ANO6: variants seen among roughly 807,000 people sequenced by gnomAD.
The protein encoded by ANO6 is anoctamin 6, also known as anoctamin-6.
A neutral mutation model predicts 117.5 loss-of-function variants in ANO6; 106 were observed. The ratio of observed to expected loss-of-function variants is 0.90; its 90% CI spans 0.77 to 1.06. ANO6 has a LOEUF of 1.06. Among genes scored for constraint, ANO6 ranks in the 50% least tolerant of loss-of-function variants. ANO6 has a pLI of 0.00. For missense variants in ANO6, 955 were observed against 1,121.1 expected (o/e 0.85, Z 2.12); for synonymous variants, 367 against 385.1 (o/e 0.95, Z 0.55).
At chr12:45,360,768 G>A (rs957442566) in intron 8 of ANO6, among the ~76,000 whole-genome samples, 1 of 152,034 alleles carries the variant, frequency 6.6e-6, no homozygotes, top group Admixed American at 6.6e-5. Flanking sequence ...GTTAATTTTT[G>A]TAAATGGTAT....
At chr12:45,332,962 T>A (rs1430534179) in intron 3 of ANO6, among the ~76,000 whole-genome samples, 1 of 151,982 alleles carries the variant, frequency 6.6e-6, no homozygotes, top group East Asian at 1.9e-4. Context: ...CAAATCAATT[T>A]TTTTTTTCTT....
In ANO6 at chr12:45,362,110, G is replaced by C. The variant is rs529362197; in HGVS notation, c.998+4686G>C. ...GTGGAATTCATCAGTGAAACCATCT[G>C]AGACTGGGCTTTTCTTTGCAGGAAT... On this transcript the variant is annotated intron_variant, in intron 8 of 19. Coordinates refer to ENST00000320560, the MANE Select transcript of ANO6 (RefSeq NM_001025356.3). 2.0e-5 allele frequency among the ~76,000 whole-genome samples: 3 copies of C among 152,094 alleles called. No individual in the cohort carries two copies. The South Asian group carries it at 6.2e-4, about 31-fold the overall frequency.
intron 1 of ANO6, among the ~76,000 whole-genome samples, chr12:45,229,935 T>C (rs1244696094): frequency 1.4e-5 from 2 of 140,608 alleles, no homozygotes; most frequent in African/African-American, 2.7e-5. Flanking sequence ...TTGTATCAAA[T>C]GAAGAATGCC....
intron 2 of ANO6, among the ~76,000 whole-genome samples, chr12:45,327,950 T>G (rs1565693506): frequency 6.6e-6 from 1 of 152,062 alleles, no homozygotes; most frequent in Non-Finnish European, 1.5e-5. Flanking sequence ...GCTGATAGTG[T>G]GGTTTAACAG....
rs4319570 is a variant in ANO6 at position 45,350,688 on chromosome 12, C to T, written c.777C>T (p.Pro259=). The change falls in exon 7 of 20, where the codon CCC becomes CCT. Residue 259 remains proline (P), a synonymous_variant. Coordinates refer to ENST00000320560, the MANE Select transcript of ANO6 (RefSeq NM_001025356.3). ...AATTCCGCCGTCAGTCAGAGGATCC[C>T]AGCTGCCCTAATGAACGGTACCTTC... The part of the protein sequence containing the change: ...DCKFRRQSED[P]SCPNERYLLY... 6.2e-7 allele frequency: 1 copy of T among 1,613,810 alleles called. No homozygotes were observed. The highest frequency in any genetic ancestry group is 8.5e-7 in the Non-Finnish European group (1 of 1,179,792).
chr12:45,398,266 A>G (rs1194485045), intron 12 of ANO6, among the ~76,000 whole-genome samples: 1 of 152,186 alleles, frequency 6.6e-6, no homozygotes, highest in Non-Finnish European at 1.5e-5. Flanking sequence ...AAAGGAAAAA[A>G]ATATGATGAC....
chr12:45,419,706 T>C (rs1482311020), intron 17 of ANO6, among the ~76,000 whole-genome samples: 1 of 152,162 alleles, frequency 6.6e-6, no homozygotes, highest in African/African-American at 2.4e-5. Context: ...CATTTAGCTG[T>C]TTTATTCACA....
At chr12:45,257,398 A>G (rs1937873631) in intron 1 of ANO6, among the ~76,000 whole-genome samples, 1 of 152,230 alleles carries the variant, frequency 6.6e-6, no homozygotes, top group Admixed American at 6.5e-5. Flanking sequence ...CAGACTCTTC[A>G]GCACTCAGCA....
intron 1 of ANO6, among the ~76,000 whole-genome samples, chr12:45,255,018 T>G (rs1159324073): frequency 6.6e-6 from 1 of 152,246 alleles, no homozygotes. Context: ...ATATATCTCT[T>G]ACATTATAAA....
chr12:45,346,631 T>G (rs572473281), intron 3 of ANO6, among the ~76,000 whole-genome samples: 21 of 152,214 alleles, frequency 1.4e-4, no homozygotes, highest in Admixed American at 4.6e-4. Context: ...ATCTGGAATC[T>G]TCAACTCTGA....
chr12:45,340,991 G>A (rs1160646904), intron 3 of ANO6, among the ~76,000 whole-genome samples: 5 of 152,144 alleles, frequency 3.3e-5, no homozygotes, highest in Admixed American at 1.3e-4. Context: ...GAATTGCCAT[G>A]CCAAAAGAAA....
chr12:45,346,120 C>T (rs926144866), intron 3 of ANO6, among the ~76,000 whole-genome samples: 3 of 152,148 alleles, frequency 2.0e-5, no homozygotes, highest in African/African-American at 7.2e-5. Context: ...CAGTAGGCCC[C>T]ACCTCTCAAC....
chr12:45,257,139 C>A (rs918298199), intron 1 of ANO6, among the ~76,000 whole-genome samples: 2 of 152,184 alleles, frequency 1.3e-5, no homozygotes, highest in African/African-American at 2.4e-5. Flanking sequence ...GGCGTGCCTG[C>A]TTCGTCTGTT....
intron 1 of ANO6, among the ~76,000 whole-genome samples, chr12:45,272,057 C>T (rs572578168): frequency 6.6e-6 from 1 of 152,076 alleles, no homozygotes; most frequent in Non-Finnish European, 1.5e-5. Context: ...TTGAAACTTT[C>T]AAGATAAAGC....
At chr12:45,402,535 T>A (rs1006207258) in intron 13 of ANO6, among the ~76,000 whole-genome samples, 3 of 152,238 alleles carry the variant, frequency 2.0e-5, no homozygotes, top group Non-Finnish European at 4.4e-5. Flanking sequence ...CTTCCCACAC[T>A]GCATACGTCT....
intron 1 of ANO6, among the ~76,000 whole-genome samples, chr12:45,231,401 T>C (rs1947572267): frequency 6.6e-6 from 1 of 152,210 alleles, no homozygotes; most frequent in Non-Finnish European, 1.5e-5. Flanking sequence ...ATGTTAGAAC[T>C]TAAACACTGG....
At chr12:45,322,209 A>G (rs1380924796) in intron 2 of ANO6, among the ~76,000 whole-genome samples, 1 of 152,142 alleles carries the variant, frequency 6.6e-6, no homozygotes, top group Non-Finnish European at 1.5e-5. Context: ...GAGAGAAAGA[A>G]ACATGAACCC....
intron 1 of ANO6, among the ~76,000 whole-genome samples, chr12:45,218,812 C>T (rs1256615182): frequency 6.6e-6 from 1 of 152,144 alleles, no homozygotes; most frequent in East Asian, 1.9e-4. Flanking sequence ...TCTGTATTTA[C>T]GCTATTAACT....
chr12:45,407,630 TG>T (rs1942976340), intron 15 of ANO6, among the ~76,000 whole-genome samples: 1 of 152,030 alleles, frequency 6.6e-6, no homozygotes, highest in South Asian at 2.1e-4. Context: ...CTGATCCAGG[TG>T]GCCTGGATAA....
Sources: allele counts gnomAD v4.1 joint callset (sites outside exome capture counted in the v4.1 genomes callset), GRCh38; gene constraint gnomAD v4.1.1; transcripts MANE v1.5; gene names NCBI Gene and HGNC (gene_info 2026-07-23, HGNC 2026-07-21).